The following NALF1 variants were observed in gnomAD, a reference collection of about 807,000 sequenced individuals.
NALF1 encodes the protein NALCN channel auxiliary factor 1, also known as family with sequence similarity 155 member A.
Under a neutral mutation model 48.4 loss-of-function variants are expected in NALF1, and 3 were observed. The observed-to-expected ratio is 0.06, with a 90% CI of 0.03 to 0.16. The LOEUF (loss-of-function observed/expected upper bound fraction) is 0.16. Among genes scored for constraint, NALF1 ranks in the 10% least tolerant of loss-of-function variants. NALF1 has a pLI of 1.00. For missense variants in NALF1, 526 were observed against 571.5 expected, an observed-to-expected ratio of 0.92 and a Z score of 0.81; for synonymous variants, 262 against 245.7, an observed-to-expected ratio of 1.07 and a Z score of -0.62.
chr13:107,679,191 T>C (rs985295558), intron 1 of NALF1, among the ~76,000 whole-genome samples: 3 of 152,218 alleles, frequency 2.0e-5, no homozygotes, highest in Non-Finnish European at 4.4e-5. Context: ...ATTTAATGTA[T>C]AATTTTTCAT....
At chr13:107,421,256 T>C (rs1303496524) in intron 1 of NALF1, among the ~76,000 whole-genome samples, 2 of 152,122 alleles carry the variant, frequency 1.3e-5, no homozygotes, top group Non-Finnish European at 2.9e-5. Flanking sequence ...AAGCCCAGAT[T>C]TGTTCTGCAC....
At chr13:107,431,062 AT>A (rs58169202) in intron 1 of NALF1, among the ~76,000 whole-genome samples, 36,591 of 151,888 alleles carry the variant, frequency 0.24, 4,645 homozygotes, top group Admixed American at 0.29. Context: ...GATGATGAGC[AT>A]TTTTTCGTGT....
At chr13:107,835,213 T>A (rs572407461) in intron 1 of NALF1, among the ~76,000 whole-genome samples, 1 of 152,220 alleles carries the variant, frequency 6.6e-6, no homozygotes, top group Non-Finnish European at 1.5e-5. Flanking sequence ...TAGAAGAGCA[T>A]GGATTCACAC....
chr13:107,557,126 A>AT (rs1259513435), intron 1 of NALF1, among the ~76,000 whole-genome samples: 1 of 152,034 alleles, frequency 6.6e-6, no homozygotes, highest in Non-Finnish European at 1.5e-5. Context: ...GTCATTTTTG[A>AT]TGGCCAGAGC....
intron 1 of NALF1, among the ~76,000 whole-genome samples, chr13:107,855,281 C>T (rs940816081): frequency 6.6e-6 from 1 of 152,210 alleles, no homozygotes; most frequent in African/African-American, 2.4e-5. Flanking sequence ...GTCCAACCCC[C>T]GGCCCGTGGG....
chr13:107,633,913 AAT>A (rs914050959), intron 1 of NALF1, among the ~76,000 whole-genome samples: 1 of 148,456 alleles, frequency 6.7e-6, no homozygotes, highest in African/African-American at 2.5e-5. Flanking sequence ...ATATATGGAA[AAT>A]ATATATATTT....
chr13:107,658,094 AT>A (rs1174160588), intron 1 of NALF1, among the ~76,000 whole-genome samples: 1 of 152,148 alleles, frequency 6.6e-6, no homozygotes, highest in Non-Finnish European at 1.5e-5. Context: ...TGGTCTTCTT[AT>A]CAGCTACTTG....
At chr13:107,348,791 G>T (rs9559015) in intron 1 of NALF1, among the ~76,000 whole-genome samples, 37,037 of 152,054 alleles carry the variant, frequency 0.24, 4,976 homozygotes, top group East Asian at 0.38. Flanking sequence ...ATGTAGTATA[G>T]TTTTATATCA....
Position 107,866,304 on chromosome 13 carries a change from T to C in NALF1, c.293A>G (p.Gln98Arg). ...QRQQQQQQRR[Q>R]QEPSWPALLA... ...GAGCGCGGGCCAGGAGGGCTCCTGCTGCCGCCGCTGCTGCTGCTGCTGCTG... is the reference window on the plus strand; with the variant it reads ...GAGCGCGGGCCAGGAGGGCTCCTGCCGCCGCCGCTGCTGCTGCTGCTGCTG... Residue 98 changes from glutamine (Q) to arginine (R), a missense_variant, in exon 1 of 3, where the codon CAG becomes CGG. This residue lies in a region of NALF1 where 373 missense variants were observed against 355.5 expected (regional missense o/e 1.05). Transcript: ENST00000375915. This position sits in a 1 kb window ranked among gnomAD's most constrained non-coding sequence, Gnocchi z 4.4. The C allele has an allele frequency of 6.2e-7, 1 of 1,606,900 alleles. No individual in the cohort carries two copies. Among genetic ancestry groups the C allele is most frequent in the Non-Finnish European group, 8.5e-7 (1 of 1,178,520 alleles).
intron 1 of NALF1, among the ~76,000 whole-genome samples, chr13:107,785,332 A>G (rs1445450263): frequency 6.6e-6 from 1 of 152,138 alleles, no homozygotes; most frequent in Non-Finnish European, 1.5e-5. Context: ...TCCAAGAGCC[A>G]TAAAGACATG....
intron 1 of NALF1, among the ~76,000 whole-genome samples, chr13:107,761,301 G>A (rs1479290044): frequency 4.0e-5 from 6 of 151,842 alleles, no homozygotes; most frequent in East Asian, 1.9e-4. Context: ...AGCTTGCAGC[G>A]TGCTGAGATC....
At chr13:107,580,011 G>A (rs984538304) in intron 1 of NALF1, among the ~76,000 whole-genome samples, 16 of 151,784 alleles carry the variant, frequency 1.1e-4, no homozygotes, top group East Asian at 3.9e-4. Context: ...TGTTTATTGC[G>A]GCATTATTCA....
chr13:107,674,299 A>C lies in NALF1; in HGVS notation c.915+191383T>G, dbSNP rs374620611. 1.5e-4 allele frequency among the ~76,000 whole-genome samples: 23 copies of C among 152,300 alleles called. No individual in the cohort carries two copies. In the East Asian group the frequency reaches 3.7e-3, roughly 24 times the overall value. Reference sequence around the variant, plus strand: ...CAAAATCTGCATTATAGTAAATTCTATTATCCAAAACACAAGCATGCTATC... The same window carrying C: ...CAAAATCTGCATTATAGTAAATTCTCTTATCCAAAACACAAGCATGCTATC... On this transcript the variant is annotated intron_variant, in intron 1 of 2. Transcript: ENST00000375915.
chr13:107,525,799 A>T (rs951829462), intron 1 of NALF1, among the ~76,000 whole-genome samples: 2 of 152,096 alleles, frequency 1.3e-5, no homozygotes, highest in African/African-American at 2.4e-5. Context: ...TATTGTCTAT[A>T]TTTAAGTGTC....
At chr13:107,355,986 G>A (rs567257036) in intron 1 of NALF1, among the ~76,000 whole-genome samples, 1 of 152,236 alleles carries the variant, frequency 6.6e-6, no homozygotes, top group Admixed American at 6.5e-5. Flanking sequence ...AGAAATCTAG[G>A]ATTGTTGGCT....
chr13:107,293,994 A>G (rs1228982225), intron 1 of NALF1, among the ~76,000 whole-genome samples: 1 of 152,216 alleles, frequency 6.6e-6, no homozygotes, highest in Non-Finnish European at 1.5e-5. Flanking sequence ...GCCTTAGACC[A>G]TGTTAGCTAC....
At chr13:107,842,130 T>C (rs1021136023) in intron 1 of NALF1, among the ~76,000 whole-genome samples, 2 of 152,036 alleles carry the variant, frequency 1.3e-5, no homozygotes, top group African/African-American at 2.4e-5. Flanking sequence ...AAACAAGCAA[T>C]TGATTATTTT....
At chr13:107,680,415 T>TGC (rs1881257516) in intron 1 of NALF1, among the ~76,000 whole-genome samples, 1 of 152,016 alleles carries the variant, frequency 6.6e-6, no homozygotes, top group Non-Finnish European at 1.5e-5. Flanking sequence ...TATGAGTGTG[T>TGC]GTGCGTGTGA....
At chr13:107,320,251 A>G (rs1299434092) in intron 1 of NALF1, among the ~76,000 whole-genome samples, 1 of 152,132 alleles carries the variant, frequency 6.6e-6, no homozygotes, top group Non-Finnish European at 1.5e-5. Context: ...TCTGAAAACT[A>G]TGCAATTCAG....
Sources: allele counts gnomAD v4.1 joint callset (sites outside exome capture counted in the v4.1 genomes callset), GRCh38; gene constraint gnomAD v4.1.1; regional missense constraint gnomAD v4.1.1; non-coding constraint Gnocchi (gnomAD v3.1); transcripts MANE v1.5; gene names NCBI Gene and HGNC (gene_info 2026-07-23, HGNC 2026-07-21).